The following WDPCP variants were observed in gnomAD, a reference collection of about 807,000 sequenced individuals.
The protein encoded by WDPCP is WD repeat-containing and planar cell polarity effector protein fritz homolog.
A neutral mutation model predicts 93.1 loss-of-function variants in WDPCP; 71 were observed. The observed-to-expected ratio is 0.76, with a 90% CI of 0.63 to 0.93. The LOEUF is 0.93. Among genes scored for constraint, WDPCP ranks in the 40% least tolerant of loss-of-function variants. WDPCP has a pLI of 0.00. For synonymous variants in WDPCP, 315 were observed against 315.0 expected, an observed-to-expected ratio of 1.00 and a Z score of 0.00; for missense variants, 844 against 887.4, an observed-to-expected ratio of 0.95 and a Z score of 0.62.
At chr2:63,494,451 G>A (rs1182475319) in intron 1 of WDPCP, among the ~76,000 whole-genome samples, 1 of 152,098 alleles carries the variant, frequency 6.6e-6, no homozygotes, top group African/African-American at 2.4e-5. Flanking sequence ...AATACCATCA[G>A]CATTCCTGTA....
chr2:63,825,389 T>C (rs1337234684), intron 1 of WDPCP, among the ~76,000 whole-genome samples: 1 of 152,152 alleles, frequency 6.6e-6, no homozygotes, highest in Admixed American at 6.5e-5. Flanking sequence ...TTGTTGTTGC[T>C]ATTGTTCAAG....
At chr2:63,178,555 C>T (rs1268316438) in intron 14 of WDPCP, among the ~76,000 whole-genome samples, 1 of 151,822 alleles carries the variant, frequency 6.6e-6, no homozygotes, top group Non-Finnish European at 1.5e-5. Context: ...TGTAATATCC[C>T]CTCTTTCACT....
chr2:63,783,832 AG>A (rs1670432069), intron 2 of WDPCP, among the ~76,000 whole-genome samples: 1 of 152,128 alleles, frequency 6.6e-6, no homozygotes, highest in South Asian at 2.1e-4. Context: ...CCATTATTTA[AG>A]TGATGGAGAC....
intron 1 of WDPCP, among the ~76,000 whole-genome samples, chr2:63,520,051 C>T (rs1292070276): frequency 6.6e-6 from 1 of 152,106 alleles, no homozygotes; most frequent in Non-Finnish European, 1.5e-5. Flanking sequence ...ACTGATCTGA[C>T]AGAGCTGAAA....
chr2:63,173,415 A>G (rs1467574833), intron 15 of WDPCP, among the ~76,000 whole-genome samples: 1 of 152,088 alleles, frequency 6.6e-6, no homozygotes, highest in African/African-American at 2.4e-5. Flanking sequence ...GGCATTTCCT[A>G]TCAAGTTTGT....
chr2:63,748,414 G>T (rs1219799955), intron 2 of WDPCP, among the ~76,000 whole-genome samples: 1 of 151,746 alleles, frequency 6.6e-6, no homozygotes, highest in Non-Finnish European at 1.5e-5. Flanking sequence ...TCTATTCCTA[G>T]TTAACTAGAT....
intron 17 of WDPCP, among the ~76,000 whole-genome samples, chr2:63,123,037 A>G (rs1669656885): frequency 7.1e-6 from 1 of 140,482 alleles, no homozygotes; most frequent in Non-Finnish European, 1.6e-5. Context: ...ACCTTGATGT[A>G]CACAAAATTG....
chr2:63,445,318 A>C (rs1468118535), intron 6 of WDPCP, among the ~76,000 whole-genome samples: 1 of 152,196 alleles, frequency 6.6e-6, no homozygotes, highest in Non-Finnish European at 1.5e-5. Flanking sequence ...GAGGTTCCTC[A>C]CTGGGGTCTC....
chr2:63,827,254 G>A (rs1033311185), intron 1 of WDPCP, among the ~76,000 whole-genome samples: 1 of 151,970 alleles, frequency 6.6e-6, no homozygotes, highest in Non-Finnish European at 1.5e-5. Flanking sequence ...CTGTGTCATT[G>A]TATTCTTCTC....
intron 12 of WDPCP, among the ~76,000 whole-genome samples, chr2:63,360,809 C>CA (rs1458377735): frequency 6.6e-6 from 1 of 152,200 alleles, no homozygotes; most frequent in Non-Finnish European, 1.5e-5. Context: ...TCTTCCATTC[C>CA]AGCTGCAGGT....
chr2:63,448,390 T>A (rs1368562858), intron 6 of WDPCP, among the ~76,000 whole-genome samples: 1 of 151,932 alleles, frequency 6.6e-6, no homozygotes, highest in Non-Finnish European at 1.5e-5. Context: ...AACAGGCCCC[T>A]CTCAAAGACT....
chr2:63,298,978 C>T (rs1685108388), intron 13 of WDPCP, among the ~76,000 whole-genome samples: 1 of 152,180 alleles, frequency 6.6e-6, no homozygotes, highest in African/African-American at 2.4e-5. Context: ...CTTTTGTGGG[C>T]ACTTCCTTGA....
chr2:63,819,484 AG>A (rs1481963326), intron 1 of WDPCP, among the ~76,000 whole-genome samples: 3 of 152,172 alleles, frequency 2.0e-5, no homozygotes, highest in Non-Finnish European at 4.4e-5. Flanking sequence ...CTGCTCTGCA[AG>A]CCCAGTGGTT....
intron 1 of WDPCP, among the ~76,000 whole-genome samples, chr2:63,501,364 G>A (rs1425744461): frequency 6.6e-6 from 1 of 152,126 alleles, no homozygotes; most frequent in Non-Finnish European, 1.5e-5. Context: ...AGGAGTTCAA[G>A]ATCAGCCTGG....
intron 3 of WDPCP, among the ~76,000 whole-genome samples, chr2:63,636,725 A>C (rs930911218): frequency 1.3e-5 from 2 of 152,186 alleles, no homozygotes; most frequent in African/African-American, 4.8e-5. Flanking sequence ...AAAAACAGAC[A>C]CACCAAGCAA....
intron 1 of WDPCP, among the ~76,000 whole-genome samples, chr2:63,824,367 T>A (rs1671076887): frequency 8.2e-6 from 1 of 121,756 alleles, no homozygotes; most frequent in Non-Finnish European, 1.7e-5. Flanking sequence ...AAAAATGCAC[T>A]AATGCACCTA....
chr2:63,174,705 A>T lies in WDPCP; in HGVS notation c.2043T>A (p.Ile681=). The change falls in exon 15 of 18, where the codon ATT becomes ATA. Residue 681 remains isoleucine (I), a synonymous_variant. Transcript: ENST00000272321. ...AGCCATTCAGTATTCTTTGTTGTAA[A>T]ATATGTCTGTGGGTTGGGCAAGAGG... ...LPPSCPTHRH[I]LQQRILNGSS... 6.2e-7 allele frequency: 1 copy of T among 1,613,934 alleles called. No individual in the cohort carries two copies. The highest frequency in any genetic ancestry group is 8.5e-7 in the Non-Finnish European group (1 of 1,179,900).
At chr2:63,127,029 A>G (rs2153397148) in intron 17 of WDPCP, among the ~76,000 whole-genome samples, 1 of 152,120 alleles carries the variant, frequency 6.6e-6, no homozygotes, top group South Asian at 2.1e-4. Flanking sequence ...TATTTTAGAT[A>G]TGATATATAA....
At chr2:63,678,261 G>A (rs1710447690) in intron 2 of WDPCP, among the ~76,000 whole-genome samples, 1 of 152,134 alleles carries the variant, frequency 6.6e-6, no homozygotes, top group African/African-American at 2.4e-5. Flanking sequence ...ATCCTAGGCA[G>A]GAAGAAAAGG....
Sources: allele counts gnomAD v4.1 joint callset (sites outside exome capture counted in the v4.1 genomes callset), GRCh38; gene constraint gnomAD v4.1.1; transcripts MANE v1.5; gene names NCBI Gene and HGNC (gene_info 2026-07-23, HGNC 2026-07-21).